Variants in ASPRV1 observed in about 807,000 individuals in gnomAD.
The protein encoded by ASPRV1 is aspartic peptidase retroviral like 1, also known as retroviral-like aspartic protease 1.
ASPRV1 carries 7 observed loss-of-function variants against 11.0 expected under a neutral mutation model. That is an observed-to-expected ratio of 0.64 (90% confidence interval 0.36 to 1.20). The LOEUF (loss-of-function observed/expected upper bound fraction) is 1.20, where lower values mean the gene tolerates loss of function less well. Ranked by LOEUF, ASPRV1 falls within the 50% of genes most tolerant of loss-of-function variation. The probability of loss-of-function intolerance (pLI) is 0.02; values close to 1 mark genes in which losing one functional copy is unlikely to be tolerated. For missense variants in ASPRV1, 299 were observed against 320.0 expected (o/e 0.93, Z 0.50); for synonymous variants, 136 against 138.4 (o/e 0.98, Z 0.12).
At chr2:70,050,588 G>C in the ASPRV1 span, 1 of 152,008 alleles carries the variant, frequency 6.6e-6, no homozygotes, top group African/African-American at 2.4e-5. Flanking sequence ...GACAAAATGG[G>C]AACAATTCTA....
chr2:69,982,095 C>T, the ASPRV1 span, among the ~76,000 whole-genome samples: 10 of 151,748 alleles, frequency 6.6e-5, no homozygotes, highest in South Asian at 6.3e-4. Context: ...TTCCATCCAT[C>T]GGGCACAAGA....
chr2:70,008,135 C>CT, the ASPRV1 span, among the ~76,000 whole-genome samples: 1 of 151,908 alleles, frequency 6.6e-6, no homozygotes. Context: ...CGTGCCCGGT[C>CT]TATTTTTTTT....
At chr2:70,059,133 C>T in the ASPRV1 span, among the ~76,000 whole-genome samples, 12 of 151,704 alleles carry the variant, frequency 7.9e-5, no homozygotes, top group South Asian at 4.2e-4. Flanking sequence ...CCTCGTGATC[C>T]GCCCACCTCA....
chr2:70,052,526 A>AG, the ASPRV1 span, among the ~76,000 whole-genome samples: 1 of 152,180 alleles, frequency 6.6e-6, no homozygotes, highest in Non-Finnish European at 1.5e-5. Flanking sequence ...CAACAGTATA[A>AG]GCAGCGTATC....
Position 69,961,159 on chromosome 2 carries a change from G to C in ASPRV1, c.278C>G (p.Ala93Gly), listed in dbSNP as rs1283853219. ...CTCTTTGGGCAGGTGGCTGGGGGCA[G>C]CCCCAGGGACCCCAAAGGCCTTCAG... ...ALLKAFGVPGAAPSHLPKEIV... is the reference protein window; with the variant it reads ...ALLKAFGVPGGAPSHLPKEIV... Residue 93 changes from alanine to glycine, a missense_variant, in exon 1 of 1, where the codon GCT (alanine) becomes GGT (glycine). Physicochemically the swap from Ala to Gly is moderately conservative, Grantham distance 60. Coordinates refer to ENST00000320256, the MANE Select transcript of ASPRV1 (RefSeq NM_152792.4). 1 of 1,613,846 alleles carries C rather than the reference G, an allele frequency of 6.2e-7. No homozygotes were observed. The highest frequency in any genetic ancestry group is 1.7e-5 in the Admixed American group (1 of 60,008).
the ASPRV1 span, among the ~76,000 whole-genome samples, chr2:70,035,254 G>A: frequency 6.6e-6 from 1 of 152,118 alleles, no homozygotes; most frequent in African/African-American, 2.4e-5. Flanking sequence ...TGATCTTTTA[G>A]GAGGAGAGAT....
chr2:69,971,396 A>G, the ASPRV1 span: 1 of 152,090 alleles, frequency 6.6e-6, no homozygotes, highest in Admixed American at 6.6e-5. Context: ...CATTTGGAAA[A>G]CTGCTATAGC....
the ASPRV1 span, among the ~76,000 whole-genome samples, chr2:70,021,463 T>C: frequency 1.3e-5 from 2 of 150,050 alleles, no homozygotes; most frequent in East Asian, 4.0e-4. Context: ...GGACTACAGG[T>C]GCACACTGCC....
the ASPRV1 span, among the ~76,000 whole-genome samples, chr2:69,932,741 T>C: frequency 2.0e-5 from 3 of 152,226 alleles, no homozygotes; most frequent in African/African-American, 7.2e-5. Context: ...AAGATGACTT[T>C]ATTATATTTT....
the ASPRV1 span, among the ~76,000 whole-genome samples, chr2:69,949,117 G>T: frequency 4.6e-5 from 7 of 152,110 alleles, no homozygotes; most frequent in Non-Finnish European, 1.0e-4. Context: ...ATCACCACAT[G>T]ACACCTTGTA....
At chr2:69,935,308 C>A in the ASPRV1 span, 1 of 1,428,256 alleles carries the variant, frequency 7.0e-7, no homozygotes, top group Non-Finnish European at 9.9e-7. Context: ...GCTTCTGGCC[C>A]ACTGTGAAAC....
chr2:69,997,292 T>C, the ASPRV1 span, among the ~76,000 whole-genome samples: 1 of 151,956 alleles, frequency 6.6e-6, no homozygotes, highest in Non-Finnish European at 1.5e-5. Context: ...AGCCCATGGC[T>C]TTATCCATCT....
the ASPRV1 span, among the ~76,000 whole-genome samples, chr2:70,080,541 T>C: frequency 6.6e-6 from 1 of 152,140 alleles, no homozygotes; most frequent in African/African-American, 2.4e-5. Flanking sequence ...CTTCTTTTTT[T>C]TATAGGACAG....
At chr2:70,002,203 G>A in the ASPRV1 span, among the ~76,000 whole-genome samples, 3 of 152,278 alleles carry the variant, frequency 2.0e-5, no homozygotes, top group South Asian at 2.1e-4. Flanking sequence ...CATCTACCTG[G>A]TGGGGTTCCC....
chr2:69,981,479 T>C, the ASPRV1 span, among the ~76,000 whole-genome samples: 1 of 152,232 alleles, frequency 6.6e-6, no homozygotes, highest in African/African-American at 2.4e-5. Context: ...GAGTGAATCA[T>C]AGTTTCTTCT....
chr2:70,078,412 C>T, the ASPRV1 span, among the ~76,000 whole-genome samples: 1 of 152,104 alleles, frequency 6.6e-6, no homozygotes, highest in Non-Finnish European at 1.5e-5. Flanking sequence ...ATAGCAAGTG[C>T]TATGCAGAAA....
the ASPRV1 span, among the ~76,000 whole-genome samples, chr2:70,052,477 A>T: frequency 6.6e-6 from 1 of 152,174 alleles, no homozygotes; most frequent in African/African-American, 2.4e-5. Flanking sequence ...ATCTAACAAG[A>T]TTAATAATAC....
At chr2:70,057,310 G>T in the ASPRV1 span, among the ~76,000 whole-genome samples, 9 of 152,038 alleles carry the variant, frequency 5.9e-5, no homozygotes, top group Non-Finnish European at 1.3e-4. Flanking sequence ...AGTATACAGA[G>T]TTTCTCCTCT....
chr2:70,017,204 G>A, the ASPRV1 span, among the ~76,000 whole-genome samples: 1 of 152,172 alleles, frequency 6.6e-6, no homozygotes, highest in East Asian at 1.9e-4. Flanking sequence ...TGTTAGCCAG[G>A]ATGGTCTCCA....
Sources: gnomAD v4.1 joint callset for allele counts (sites outside exome capture counted in the v4.1 genomes callset) on GRCh38, gnomAD v4.1.1 for gene constraint, MANE v1.5 for transcripts, NCBI Gene and HGNC (gene_info 2026-07-23, HGNC 2026-07-21) for gene names.